Variants in LRCH2 observed in about 807,000 individuals in gnomAD.
The protein encoded by LRCH2 is leucine rich repeats and calponin homology domain containing 2, also known as leucine-rich repeat and calponin homology domain-containing protein 2.
In LRCH2, 38 loss-of-function variants were observed where a neutral mutation model predicts 68.9. The observed-to-expected ratio is 0.55, with a 90% CI of 0.43 to 0.72. The LOEUF (loss-of-function observed/expected upper bound fraction) is 0.72. Among genes scored for constraint, LRCH2 ranks in the 30% least tolerant of loss-of-function variants. The pLI, the probability that LRCH2 is intolerant of heterozygous loss-of-function variation, is 0.00. For synonymous variants in LRCH2, 191 were observed against 208.1 expected (o/e 0.92, Z 0.71); for missense variants, 528 against 572.9 (o/e 0.92, Z 0.80).
intron 11 of LRCH2, among the ~76,000 whole-genome samples, chrX:115,158,052 A>G (rs2072489493): frequency 8.9e-6 from 1 of 112,018 alleles, no homozygotes; most frequent in Non-Finnish European, 1.9e-5. Context: ...CAAAACAAAC[A>G]TCTATTCTAA....
At chrX:115,122,625 A>T in intron 19 of LRCH2, 21 bp from the exon 20 acceptor site, 1 of 1,199,296 alleles carries the variant, frequency 8.3e-7, no homozygotes, top group South Asian at 1.8e-5. Flanking sequence ...AGAGGGAAAA[A>T]ATGTACTTTT....
chrX:115,112,462 T>C lies in LRCH2; in HGVS notation c.*754A>G, dbSNP rs1279999065. On this transcript the variant is annotated 3_prime_UTR_variant, in exon 21 of 21. Coordinates refer to ENST00000317135, the MANE Select transcript of LRCH2 (RefSeq NM_020871.4). Reference sequence around the variant, plus strand: ...ATAACCAATTTAAGGGAAACTGCAATGGACTAACTAAAAAACCACAAATGT... The same window carrying C: ...ATAACCAATTTAAGGGAAACTGCAACGGACTAACTAAAAAACCACAAATGT... The C allele has an allele frequency of 2.7e-5, 3 of 112,083 alleles. No individual in the cohort carries two copies. The highest frequency in any genetic ancestry group is 2.8e-4 in the East Asian group (1 of 3,561). The allele number at this position is 112,083 out of a possible 1,213,427, so 9.2% of individuals were successfully genotyped here.
chrX:115,148,123 T>C (rs1350426234), intron 14 of LRCH2, among the ~76,000 whole-genome samples: 1 of 112,147 alleles, frequency 8.9e-6, no homozygotes, highest in Non-Finnish European at 1.9e-5. Context: ...AAGTGTTTGC[T>C]GATATGATAT....
intron 1 of LRCH2, among the ~76,000 whole-genome samples, chrX:115,207,787 CTT>C (rs1337172653): frequency 2.7e-5 from 3 of 112,020 alleles, no homozygotes; most frequent in African/African-American, 9.7e-5. Flanking sequence ...TGAGTGTTAT[CTT>C]ATATGCTAAA....
chrX:115,171,829 ACCACCATGC>A (rs1295220717), intron 5 of LRCH2, among the ~76,000 whole-genome samples: 1 of 109,091 alleles, frequency 9.2e-6, no homozygotes, highest in Non-Finnish European at 1.9e-5. Flanking sequence ...ACAGGCACAC[ACCACCATGC>A]CCGGCTAATC....
At chrX:115,140,647 C>T (rs1441219561) in intron 14 of LRCH2, among the ~76,000 whole-genome samples, 8 of 107,593 alleles carry the variant, frequency 7.4e-5, no homozygotes, top group African/African-American at 2.7e-4. Context: ...GCAGCATTCA[C>T]CACAAGCTGA....
intron 15 of LRCH2, among the ~76,000 whole-genome samples, 174 bp downstream of exon 15, chrX:115,129,981 A>C (rs1265572871): frequency 9.0e-6 from 1 of 111,547 alleles, no homozygotes; most frequent in Non-Finnish European, 1.9e-5. Flanking sequence ...TGGAAATTAA[A>C]TGATTAAATT....
chrX:115,211,767 C>T (rs782542654), intron 1 of LRCH2, among the ~76,000 whole-genome samples: 4 of 111,157 alleles, frequency 3.6e-5, no homozygotes, highest in Non-Finnish European at 7.6e-5. Flanking sequence ...ACACACCCCC[C>T]CAAGATTGCT....
chrX:115,119,591 T>A (rs1446628122), intron 20 of LRCH2, among the ~76,000 whole-genome samples: 5 of 65,026 alleles, frequency 7.7e-5, no homozygotes, highest in Non-Finnish European at 1.2e-4. Context: ...ATGGCCATAC[T>A]GCCCAAGGTA....
chrX:115,165,691 T>C (rs1556544480), intron 8 of LRCH2, 36 bp from the exon 9 acceptor site: 9 of 997,559 alleles, frequency 9.0e-6, no homozygotes, highest in Admixed American at 2.9e-5. Flanking sequence ...AAAATGTACA[T>C]AGTAAACTGT....
intron 6 of LRCH2, 53 bp downstream of exon 6, chrX:115,170,246 A>C: frequency 9.2e-7 from 1 of 1,081,386 alleles, no homozygotes; most frequent in African/African-American, 1.9e-5. Flanking sequence ...AGTATATTTC[A>C]TAAAAAGAGA....
chrX:115,176,164 A>G (rs782810610), intron 5 of LRCH2, among the ~76,000 whole-genome samples: 2 of 112,511 alleles, frequency 1.8e-5, no homozygotes, highest in South Asian at 7.3e-4. Flanking sequence ...TTATTTTTCT[A>G]TCTCTTACAG....
intron 16 of LRCH2, among the ~76,000 whole-genome samples, chrX:115,125,468 T>C (rs12388368): frequency 0.39 from 157 of 406 alleles, 4 homozygotes; most frequent in East Asian, 0.5. Context: ...TATATATATA[T>C]ATATATATAT....
intron 9 of LRCH2, 22 bp downstream of exon 9, chrX:115,165,536 A>G: frequency 2.7e-6 from 3 of 1,101,353 alleles, no homozygotes; most frequent in Non-Finnish European, 3.7e-6. Flanking sequence ...TGTTATTAAT[A>G]TTTGTTCAAA....
chrX:115,180,378 T>C (rs2147405468), intron 3 of LRCH2, among the ~76,000 whole-genome samples: 1 of 110,614 alleles, frequency 9.0e-6, no homozygotes, highest in African/African-American at 3.3e-5. Flanking sequence ...GTGGTTAAAA[T>C]CCAAGCCCCA....
At chrX:115,147,389 C>T (rs1422200937) in intron 14 of LRCH2, among the ~76,000 whole-genome samples, 1 of 111,298 alleles carries the variant, frequency 9.0e-6, no homozygotes, top group Admixed American at 9.6e-5. Context: ...TAGTGACATA[C>T]TCATTTTACT....
At chrX:115,199,829 A>G (rs1256677548) in intron 1 of LRCH2, among the ~76,000 whole-genome samples, 1 of 112,353 alleles carries the variant, frequency 8.9e-6, no homozygotes, top group Non-Finnish European at 1.9e-5. Flanking sequence ...ATTCTGCCCA[A>G]CAACTGCAGA....
chrX:115,223,789 G>A (rs957670565), intron 1 of LRCH2, among the ~76,000 whole-genome samples: 3 of 109,442 alleles, frequency 2.7e-5, no homozygotes, highest in African/African-American at 1.0e-4. Context: ...AGCCAGGCAT[G>A]GTGGCACACG....
At chrX:115,160,473 G>C (rs923176324) in intron 11 of LRCH2, among the ~76,000 whole-genome samples, 4 of 111,844 alleles carry the variant, frequency 3.6e-5, no homozygotes, top group Non-Finnish European at 5.6e-5. Context: ...TTAGCTGAGA[G>C]CTAACATTGC....
Sources: allele counts gnomAD v4.1 joint callset (sites outside exome capture counted in the v4.1 genomes callset), GRCh38; gene constraint gnomAD v4.1.1; transcripts MANE v1.5; gene names NCBI Gene and HGNC (gene_info 2026-07-23, HGNC 2026-07-21).